CADM2: variants seen among roughly 807,000 people sequenced by gnomAD.
CADM2 encodes immunoglobulin superfamily member 4D.
CADM2 carries 12 observed loss-of-function variants against 49.8 expected under a neutral mutation model. That is an observed-to-expected ratio of 0.24 (90% CI 0.15 to 0.39). CADM2 has a LOEUF of 0.39. Ranked by LOEUF, CADM2 falls within the 10% of genes least tolerant of loss-of-function variation. The pLI is 1.00. For synonymous variants in CADM2, 214 were observed against 175.4 expected, an observed-to-expected ratio of 1.22 and a Z score of -1.74; for missense variants, 378 against 492.3, an observed-to-expected ratio of 0.77 and a Z score of 2.20.
chr3:85,858,456 A>C (rs1049555218), intron 3 of CADM2, among the ~76,000 whole-genome samples: 1 of 152,234 alleles, frequency 6.6e-6, no homozygotes, highest in African/African-American at 2.4e-5. Flanking sequence ...CTAACATTGC[A>C]GATTACTTTT....
At chr3:85,025,950 A>AT (rs1396536732) in intron 1 of CADM2, among the ~76,000 whole-genome samples, 1 of 152,078 alleles carries the variant, frequency 6.6e-6, no homozygotes, top group Non-Finnish European at 1.5e-5. Flanking sequence ...AGAAATAAAG[A>AT]TTTTCTGGCT....
chr3:85,004,406 G>A (rs1042429266), intron 1 of CADM2, among the ~76,000 whole-genome samples: 2 of 152,046 alleles, frequency 1.3e-5, no homozygotes, highest in African/African-American at 4.8e-5. Context: ...GCACTTAGAA[G>A]ATGTAAATGC....
At chr3:85,559,915 A>T (rs1449377) in intron 1 of CADM2, among the ~76,000 whole-genome samples, 1 of 152,026 alleles carries the variant, frequency 6.6e-6, no homozygotes, top group African/African-American at 2.4e-5. Context: ...TCTCAGAGAA[A>T]TGTTGCTCTA....
At chr3:85,825,247 G>A (rs2073839941) in intron 3 of CADM2, among the ~76,000 whole-genome samples, 1 of 151,992 alleles carries the variant, frequency 6.6e-6, no homozygotes, top group South Asian at 2.1e-4. Context: ...AAAGGTTCAA[G>A]TTTAGAGGGC....
chr3:84,979,267 C>A (rs1400730461), intron 1 of CADM2, among the ~76,000 whole-genome samples: 3 of 152,136 alleles, frequency 2.0e-5, no homozygotes, highest in African/African-American at 7.2e-5. Flanking sequence ...ATGCACAATT[C>A]TTTCATGTGC....
intron 1 of CADM2, among the ~76,000 whole-genome samples, chr3:85,323,242 T>C (rs2044662612): frequency 6.6e-6 from 1 of 152,132 alleles, no homozygotes; most frequent in South Asian, 2.1e-4. Flanking sequence ...TCATCAAACA[T>C]TTTCTCATGG....
At chr3:85,435,199 G>A (rs2036868669) in intron 1 of CADM2, among the ~76,000 whole-genome samples, 1 of 151,930 alleles carries the variant, frequency 6.6e-6, no homozygotes, top group Admixed American at 6.6e-5. Flanking sequence ...GCCCCAGTGT[G>A]TGATGTTCCT....
At chr3:85,764,749 T>C (rs1414410391) in intron 2 of CADM2, among the ~76,000 whole-genome samples, 2 of 152,074 alleles carry the variant, frequency 1.3e-5, no homozygotes, top group African/African-American at 4.8e-5. Context: ...TCCTAGATGA[T>C]TAATAATAAT....
intron 2 of CADM2, among the ~76,000 whole-genome samples, chr3:85,779,071 T>A (rs1404519904): frequency 1.3e-5 from 2 of 152,160 alleles, no homozygotes; most frequent in South Asian, 2.1e-4. Context: ...CTTTAAGCCA[T>A]TGTCCAAATA....
chr3:85,888,571 T>C (rs930018159), intron 5 of CADM2, among the ~76,000 whole-genome samples: 1 of 152,174 alleles, frequency 6.6e-6, no homozygotes, highest in African/African-American at 2.4e-5. Context: ...TTACAGAGCA[T>C]TTATCTCTAC....
In CADM2 at chr3:85,347,380, T is replaced by A. The variant is rs545094763; in HGVS notation, c.62-379142T>A. 8.3e-3 allele frequency among the ~76,000 whole-genome samples: 1,244 copies of A among 149,962 alleles called. 15 individuals carry two copies. The highest frequency in any genetic ancestry group is 0.029 in the African/African-American group (1,186 of 41,082). On this transcript the variant is annotated intron_variant, in intron 1 of 9. Transcript: ENST00000383699. ...AAAAGTGATCACGTATGTATAATTTTAAGGACAATATTGTACTTTTTAATA... is the reference window on the plus strand; with the variant it reads ...AAAAGTGATCACGTATGTATAATTTAAAGGACAATATTGTACTTTTTAATA...
intron 1 of CADM2, among the ~76,000 whole-genome samples, chr3:85,390,426 C>G (rs1466795969): frequency 1.3e-5 from 2 of 151,958 alleles, no homozygotes; most frequent in African/African-American, 4.8e-5. Flanking sequence ...TTCATTGATG[C>G]TGCTATATAT....
intron 1 of CADM2, among the ~76,000 whole-genome samples, chr3:85,578,344 A>G (rs2062703726): frequency 6.6e-6 from 1 of 152,232 alleles, no homozygotes; most frequent in Admixed American, 6.5e-5. Context: ...GAAGAAAGCA[A>G]CAAATACATT....
intron 8 of CADM2, among the ~76,000 whole-genome samples, chr3:86,042,574 C>G (rs6768123): frequency 0.034 from 5,124 of 151,956 alleles, 169 homozygotes; most frequent in African/African-American, 0.083. Context: ...CTCTGAAATT[C>G]AGGCAATAAT....
intron 8 of CADM2, among the ~76,000 whole-genome samples, chr3:85,980,896 A>G (rs1348291745): frequency 1.3e-5 from 2 of 151,554 alleles, no homozygotes; most frequent in Non-Finnish European, 3.0e-5. Flanking sequence ...CTAATATTCA[A>G]TTATGCCTTC....
chr3:85,709,046 G>A (rs1460713544), intron 1 of CADM2, among the ~76,000 whole-genome samples: 1 of 151,910 alleles, frequency 6.6e-6, no homozygotes, highest in Non-Finnish European at 1.5e-5. Context: ...TTTAGTCAGT[G>A]AGAACTAGGA....
At chr3:85,157,109 A>T (rs2040154671) in intron 1 of CADM2, among the ~76,000 whole-genome samples, 2 of 152,188 alleles carry the variant, frequency 1.3e-5, no homozygotes, top group East Asian at 3.8e-4. Context: ...AGAGAATAAA[A>T]TATCTAGGAA....
At chr3:85,800,263 C>T (rs2071920283) in intron 2 of CADM2, 1 of 152,334 alleles carries the variant, frequency 6.6e-6, no homozygotes, top group Non-Finnish European at 1.5e-5. Flanking sequence ...CCCAGGTTGA[C>T]TTCAGACTGC....
At chr3:85,450,399 G>A (rs1236618669) in intron 1 of CADM2, among the ~76,000 whole-genome samples, 1 of 151,880 alleles carries the variant, frequency 6.6e-6, no homozygotes, top group Non-Finnish European at 1.5e-5. Flanking sequence ...GCATACATGA[G>A]TTTCAATCTC....
Sources: gnomAD v4.1 joint callset for allele counts (sites outside exome capture counted in the v4.1 genomes callset) on GRCh38, gnomAD v4.1.1 for gene constraint, MANE v1.5 for transcripts, NCBI Gene and HGNC (gene_info 2026-07-23, HGNC 2026-07-21) for gene names.